Variants in RPS6KA5 observed in about 807,000 individuals in gnomAD.
The protein encoded by RPS6KA5 is ribosomal protein S6 kinase alpha-5.
RPS6KA5 carries 27 observed loss-of-function variants against 85.5 expected under a neutral mutation model. That is an observed-to-expected ratio of 0.32 (90% confidence interval 0.23 to 0.44). The LOEUF (loss-of-function observed/expected upper bound fraction) is 0.44, where lower values mean the gene tolerates loss of function less well. Among genes scored for constraint, RPS6KA5 ranks in the 20% least tolerant of loss-of-function variants. The pLI is 1.00. For missense variants in RPS6KA5, 811 were observed against 980.9 expected (o/e 0.83, Z 2.31); for synonymous variants, 334 against 348.2 (o/e 0.96, Z 0.46).
At chr14:90,990,139 G>A (rs116648128) in intron 2 of RPS6KA5, among the ~76,000 whole-genome samples, 2,033 of 152,102 alleles carry the variant, frequency 0.013, 53 homozygotes, top group African/African-American at 0.045. Context: ...GGCAAGTGAA[G>A]GAAAATAAAG....
intron 6 of RPS6KA5, among the ~76,000 whole-genome samples, chr14:90,922,277 A>G (rs938532155): frequency 1.4e-4 from 21 of 152,178 alleles, no homozygotes; most frequent in African/African-American, 5.1e-4. Context: ...ACACATGACT[A>G]TATGTTTCCG....
Position 90,858,378 on chromosome 14 carries a change from A to G in RPS6KA5, c.*13696T>C, listed in dbSNP as rs1416848491. On this transcript the variant is annotated 3_prime_UTR_variant, in exon 17 of 17. Coordinates refer to ENST00000614987, the MANE Select transcript of RPS6KA5 (RefSeq NM_004755.4). The stretch of plus-strand genomic sequence containing the variant: ...ACTGTTCGAGAATGATGTTAACATC[A>G]CGTGTAGGAATGCTACATTTTCTAG... 1 of 152,204 alleles carries G rather than the reference A, an allele frequency of 6.6e-6. No individual in the cohort carries two copies. The highest frequency in any genetic ancestry group is 2.1e-4 in the South Asian group (1 of 4,824). 9.4% of individuals were successfully genotyped at this position (152,204 alleles called of 1,614,324 possible).
chr14:90,950,634 T>G (rs76370177), intron 3 of RPS6KA5, among the ~76,000 whole-genome samples: 2 of 152,200 alleles, frequency 1.3e-5, no homozygotes, highest in African/African-American at 4.8e-5. Context: ...TCTACATCTG[T>G]TGGGAGGATC....
At chr14:91,024,133 A>C (rs534801780) in intron 1 of RPS6KA5, among the ~76,000 whole-genome samples, 3 of 152,260 alleles carry the variant, frequency 2.0e-5, no homozygotes, top group Admixed American at 2.0e-4. Flanking sequence ...CCCTTATTAA[A>C]TTTGTATTTA....
chr14:90,919,698 A>C (rs547751662), intron 7 of RPS6KA5, among the ~76,000 whole-genome samples: 1 of 152,298 alleles, frequency 6.6e-6, no homozygotes, highest in East Asian at 1.9e-4. Flanking sequence ...TATAAACAAA[A>C]ATGCAACACT....
chr14:91,008,576 T>A (rs1368056297), intron 1 of RPS6KA5, among the ~76,000 whole-genome samples: 1 of 152,042 alleles, frequency 6.6e-6, no homozygotes, highest in Non-Finnish European at 1.5e-5. Context: ...GGCAAAAAAA[T>A]GAGAGGATGG....
intron 8 of RPS6KA5, among the ~76,000 whole-genome samples, chr14:90,905,535 T>C (rs1275519972): frequency 6.6e-6 from 1 of 151,826 alleles, no homozygotes; most frequent in Non-Finnish European, 1.5e-5. Flanking sequence ...TATTTTGGTG[T>C]TTTTTTTGTA....
At chr14:90,889,591 T>TA (rs1252006985) in intron 14 of RPS6KA5, among the ~76,000 whole-genome samples, 2 of 151,666 alleles carry the variant, frequency 1.3e-5, no homozygotes, top group East Asian at 1.9e-4. Flanking sequence ...AACACATATA[T>TA]AAAAAAAATT....
At chr14:91,040,622 G>T (rs1206372998) in intron 1 of RPS6KA5, among the ~76,000 whole-genome samples, 1 of 152,088 alleles carries the variant, frequency 6.6e-6, no homozygotes, top group Non-Finnish European at 1.5e-5. Context: ...TTCAAGCAAT[G>T]ATAACATTTG....
chr14:91,034,614 C>G (rs529252143), intron 1 of RPS6KA5, among the ~76,000 whole-genome samples: 8 of 152,260 alleles, frequency 5.3e-5, no homozygotes, highest in African/African-American at 1.7e-4. Flanking sequence ...ACATGGGCAG[C>G]AACAAATAAG....
chr14:90,994,917 T>C (rs1397073886), intron 2 of RPS6KA5, among the ~76,000 whole-genome samples: 1 of 152,084 alleles, frequency 6.6e-6, no homozygotes, highest in Admixed American at 6.6e-5. Flanking sequence ...TAAAACTTTC[T>C]TTGCTATTTC....
At chr14:91,019,518 G>A (rs1327948670) in intron 1 of RPS6KA5, among the ~76,000 whole-genome samples, 3 of 152,136 alleles carry the variant, frequency 2.0e-5, no homozygotes. Context: ...CACCCTGCCT[G>A]GCCACCATGC....
chr14:90,887,353 A>T (rs991323352), intron 14 of RPS6KA5, among the ~76,000 whole-genome samples: 19 of 146,104 alleles, frequency 1.3e-4, no homozygotes, highest in South Asian at 6.6e-4. Context: ...GCTAATTAAA[A>T]TTTTTTTTTT....
chr14:91,023,068 A>G (rs898134726), intron 1 of RPS6KA5, among the ~76,000 whole-genome samples: 4 of 143,806 alleles, frequency 2.8e-5, no homozygotes, highest in African/African-American at 1.0e-4. Context: ...CTGGCAACAG[A>G]GTAAAACTCT....
At chr14:91,033,158 C>G (rs7141990) in intron 1 of RPS6KA5, among the ~76,000 whole-genome samples, 23,730 of 149,864 alleles carry the variant, frequency 0.16, 2,171 homozygotes, top group East Asian at 0.44. Context: ...CCACTGCACT[C>G]CAGCCTGGCA....
At chr14:91,001,271 A>G in intron 1 of RPS6KA5, 112 bp from the exon 2 acceptor site, 1 of 648,528 alleles carries the variant, frequency 1.5e-6, no homozygotes, top group East Asian at 2.7e-5. Context: ...GTGATTAACC[A>G]GGGTTTGCTT....
chr14:90,981,895 T>C (rs1285180822), intron 2 of RPS6KA5, among the ~76,000 whole-genome samples: 3 of 152,216 alleles, frequency 2.0e-5, no homozygotes, highest in Non-Finnish European at 4.4e-5. Context: ...AACAGTTTTG[T>C]TTTTGAAGCA....
chr14:91,042,608 T>C (rs2042648770), intron 1 of RPS6KA5, among the ~76,000 whole-genome samples: 2 of 152,180 alleles, frequency 1.3e-5, no homozygotes, highest in Admixed American at 1.3e-4. Context: ...TCTTCATAAT[T>C]TGAGAAGAAA....
intron 7 of RPS6KA5, among the ~76,000 whole-genome samples, chr14:90,917,626 T>C (rs980623015): frequency 2.2e-4 from 34 of 152,196 alleles, no homozygotes; most frequent in African/African-American, 7.7e-4. Flanking sequence ...AGTTTGCATT[T>C]TCCAGAAATG....
Sources: gnomAD v4.1 joint callset for allele counts (sites outside exome capture counted in the v4.1 genomes callset) on GRCh38, gnomAD v4.1.1 for gene constraint, MANE v1.5 for transcripts, NCBI Gene and HGNC (gene_info 2026-07-23, HGNC 2026-07-21) for gene names.